CORIN: variants seen among roughly 807,000 people sequenced by gnomAD.
CORIN encodes the protein atrial natriuretic peptide-converting enzyme.
In CORIN, 117 loss-of-function variants were observed where a neutral mutation model predicts 125.3. That is an observed-to-expected ratio of 0.93 (90% CI 0.80 to 1.09). The LOEUF is 1.09. CORIN is among the 50% of genes least tolerant of loss of function. The probability of loss-of-function intolerance (pLI) is 0.00; values close to 1 mark genes in which losing one functional copy is unlikely to be tolerated. For synonymous variants in CORIN, 450 were observed against 466.4 expected (o/e 0.96, Z 0.45); for missense variants, 1,253 against 1,306.7 (o/e 0.96, Z 0.63).
chr4:47,596,047 G>T, intron 21 of CORIN, 144 bp from the exon 22 acceptor site: 1 of 538,608 alleles, frequency 1.9e-6, no homozygotes. Flanking sequence ...AGCCTGTGGA[G>T]GAGTTGTGCT....
intron 5 of CORIN, among the ~76,000 whole-genome samples, chr4:47,724,395 A>G (rs1727494494): frequency 6.6e-6 from 1 of 152,156 alleles, no homozygotes; most frequent in African/African-American, 2.4e-5. Context: ...GTATATTATC[A>G]AAAGGTCCAA....
At chr4:47,772,297 C>A (rs920841966) in intron 3 of CORIN, among the ~76,000 whole-genome samples, 14 of 152,176 alleles carry the variant, frequency 9.2e-5, no homozygotes, top group African/African-American at 3.4e-4. Context: ...GTAATATAGG[C>A]CTCGGCCGAT....
At chr4:47,645,338 G>A in intron 13 of CORIN, 144 bp from the exon 14 acceptor site, 2 of 523,904 alleles carry the variant, frequency 3.8e-6, no homozygotes, top group South Asian at 2.2e-5. Flanking sequence ...CACTTTGGGA[G>A]GCTGAGGTGG....
intron 4 of CORIN, among the ~76,000 whole-genome samples, chr4:47,748,251 TG>T (rs1377405161): frequency 2.0e-5 from 3 of 152,232 alleles, no homozygotes; most frequent in Admixed American, 2.0e-4. Context: ...TTTCATCACA[TG>T]GAACAGCGTG....
At chr4:47,595,955 T>C (rs755585616) in intron 21 of CORIN, 52 bp from the exon 22 acceptor site, 2 of 1,448,274 alleles carry the variant, frequency 1.4e-6, no homozygotes, top group Non-Finnish European at 1.9e-6. Context: ...GGCAGTAATG[T>C]GTGTCCATGC....
intron 6 of CORIN, among the ~76,000 whole-genome samples, chr4:47,690,015 G>A (rs78440755): frequency 8.2e-4 from 125 of 152,236 alleles, no homozygotes; most frequent in Non-Finnish European, 1.5e-3. Context: ...ATTGTTTCAG[G>A]TGTTTGGAAA....
chr4:47,745,186 A>G (rs1350676142), intron 4 of CORIN, among the ~76,000 whole-genome samples: 2 of 152,218 alleles, frequency 1.3e-5, no homozygotes, highest in Non-Finnish European at 2.9e-5. Context: ...TAATAGTATG[A>G]GTAATGATGC....
At chr4:47,794,220 T>A (rs572945045) in intron 2 of CORIN, among the ~76,000 whole-genome samples, 1 of 152,258 alleles carries the variant, frequency 6.6e-6, no homozygotes, top group East Asian at 1.9e-4. Context: ...AGTTAGGAAG[T>A]TAAGATTCTT....
intron 1 of CORIN, among the ~76,000 whole-genome samples, chr4:47,816,248 A>G (rs1281645191): frequency 2.6e-5 from 4 of 152,236 alleles, no homozygotes; most frequent in African/African-American, 9.6e-5. Flanking sequence ...CATTAGATGA[A>G]GCAGCAATTT....
intron 19 of CORIN, among the ~76,000 whole-genome samples, chr4:47,612,820 T>G (rs536427213): frequency 3.9e-5 from 6 of 152,214 alleles, no homozygotes; most frequent in Admixed American, 2.6e-4. Flanking sequence ...AGGTGACAGA[T>G]AGCAGGAAGA....
chr4:47,660,717 C>A (rs1724205774), intron 12 of CORIN, among the ~76,000 whole-genome samples: 1 of 152,140 alleles, frequency 6.6e-6, no homozygotes, highest in African/African-American at 2.4e-5. Context: ...GATCCTCACC[C>A]ACTATTGGTG....
At position 47,801,757 on chromosome 4, in the gene CORIN, C is replaced by T. The variant is rs1026493409; in HGVS notation, c.208+5146G>A. Among the ~76,000 whole-genome samples the T allele has an allele frequency of 2.0e-5, 3 of 152,314 alleles. No individual in the cohort carries two copies. In the South Asian group the frequency reaches 6.2e-4, roughly 32 times the overall value. On this transcript the variant is annotated intron_variant, in intron 2 of 21. Coordinates refer to ENST00000273857, the MANE Select transcript of CORIN (RefSeq NM_006587.4). ...CATCCCAGTGGTGAGAGCTTGAGTT[C>T]CAGCGAGCCTCACCACTGCAGGCTG... is the stretch of plus-strand genomic sequence containing the variant.
intron 9 of CORIN, among the ~76,000 whole-genome samples, chr4:47,677,479 C>G (rs1725078109): frequency 6.6e-6 from 1 of 152,134 alleles, no homozygotes; most frequent in Non-Finnish European, 1.5e-5. Flanking sequence ...TCTAGTTTTT[C>G]TTTTTGAGAT....
At position 47,600,308 on chromosome 4, in the gene CORIN, G is replaced by T. The variant is rs1721403739; in HGVS notation, c.2852C>A (p.Ser951Tyr). The change falls in exon 21 of 22, where the codon TCT (serine) becomes TAT (tyrosine). Residue 951 changes from serine to tyrosine, a missense_variant. Physicochemically the swap from Ser to Tyr is moderately radical, Grantham distance 144 (BLOSUM62 -2). Transcript: ENST00000273857. Reference protein sequence around the residue: ...KLQEGEVRIISLEHCQSYFDM... With the variant: ...KLQEGEVRIIYLEHCQSYFDM... ...AAAGTAGGACTGACAATGTTCCAGA[G>T]AAATAATGCGGACCTCTCCCTCTTG... 8.1e-6 allele frequency: 13 copies of T among 1,613,350 alleles called. No individual in the cohort carries two copies. The highest frequency in any genetic ancestry group is 1.1e-5 in the Non-Finnish European group (13 of 1,179,680).
chr4:47,759,463 CTAATAAAGGGT>C (rs1162360143), intron 4 of CORIN, among the ~76,000 whole-genome samples: 1 of 152,096 alleles, frequency 6.6e-6, no homozygotes, highest in Non-Finnish European at 1.5e-5. Flanking sequence ...AGCTATACAT[CTAATAAAGGGT>C]TAATATCCAA....
rs1163422027 is a variant in CORIN, at chr4:47,730,173, C to T, written c.799+14229G>A. Among the ~76,000 whole-genome samples the T allele has an allele frequency of 2.0e-5, 3 of 152,180 alleles. No homozygotes were observed. In the East Asian group the frequency reaches 5.8e-4, roughly 30 times the overall value. ...TAACACACAAGCTGTCTGCAGAAGG[C>T]AAATTTAAAAGAGCTTGCAGGCCGG... On this transcript the variant is annotated intron_variant, in intron 5 of 21. Transcript: ENST00000273857.
chr4:47,685,173 A>C (rs1423206616), intron 6 of CORIN, among the ~76,000 whole-genome samples: 1 of 152,156 alleles, frequency 6.6e-6, no homozygotes, highest in Non-Finnish European at 1.5e-5. Context: ...TTAGGAATCT[A>C]CCCAAGATAA....
chr4:47,742,491 C>A (rs1434808304), intron 5 of CORIN, among the ~76,000 whole-genome samples: 1 of 151,706 alleles, frequency 6.6e-6, no homozygotes, highest in Non-Finnish European at 1.5e-5. Flanking sequence ...ATATAATTTA[C>A]AATAACATCA....
chr4:47,739,962 A>G (rs746695792), intron 5 of CORIN, among the ~76,000 whole-genome samples: 1 of 151,950 alleles, frequency 6.6e-6, no homozygotes, highest in Non-Finnish European at 1.5e-5. Flanking sequence ...GAAATTTAAA[A>G]TGGCACACCC....
Sources: gnomAD v4.1 joint callset for allele counts (sites outside exome capture counted in the v4.1 genomes callset) on GRCh38, gnomAD v4.1.1 for gene constraint, MANE v1.5 for transcripts, NCBI Gene and HGNC (gene_info 2026-07-23, HGNC 2026-07-21) for gene names.